Variants in SGSM1 observed in about 807,000 individuals in gnomAD.
SGSM1 encodes small G protein signaling modulator 1, also known as RUN and TBC1 domain containing 2.
A neutral mutation model predicts 133.8 loss-of-function variants in SGSM1; 73 were observed. That is an observed-to-expected ratio of 0.55 (90% CI 0.45 to 0.66). The LOEUF (loss-of-function observed/expected upper bound fraction) is 0.66. SGSM1 is among the 30% of genes least tolerant of loss of function. The pLI is 0.00. For synonymous variants in SGSM1, 563 were observed against 573.0 expected, an observed-to-expected ratio of 0.98 and a Z score of 0.25; for missense variants, 1,213 against 1,448.1, an observed-to-expected ratio of 0.84 and a Z score of 2.64.
In SGSM1 at chr22:24,893,513, G is replaced by A. The variant is rs1325890556; in HGVS notation, c.1853G>A (p.Arg618Gln). 1.1e-5 allele frequency: 18 copies of A among 1,613,096 alleles called. No homozygotes were observed. Among genetic ancestry groups the A allele is most frequent in the Admixed American group, 3.3e-5 (2 of 59,900 alleles). Residue 618 changes from arginine to glutamine, a missense_variant, in exon 17 of 25, where the codon CGG (arginine) becomes CAG (glutamine). Physicochemically the swap from Arg to Gln is conservative, Grantham distance 43. Transcript: ENST00000400358. The part of the protein sequence containing the change: ...GCEAIVRQRE[R>Q]ESHAAALAKC... ...GAGGCGATCGTGCGGCAGAGGGAGCGGGAGTCCCATGCGGCCGCCCTGGCC... is the reference window on the plus strand; with the variant it reads ...GAGGCGATCGTGCGGCAGAGGGAGCAGGAGTCCCATGCGGCCGCCCTGGCC...
At chr22:24,812,597 C>G (rs1258531970) in intron 2 of SGSM1, among the ~76,000 whole-genome samples, 3 of 152,144 alleles carry the variant, frequency 2.0e-5, no homozygotes, top group African/African-American at 7.2e-5. Flanking sequence ...TTGTGCAGGG[C>G]TGTATGTGCC....
chr22:24,822,286 G>T (rs139624), intron 2 of SGSM1, among the ~76,000 whole-genome samples: 8,897 of 151,830 alleles, frequency 0.059, 342 homozygotes, highest in Non-Finnish European at 0.089. Context: ...TAGAGACAGG[G>T]TTTCACTGAG....
intron 2 of SGSM1, among the ~76,000 whole-genome samples, chr22:24,833,837 G>A (rs1437905142): frequency 1.3e-5 from 2 of 152,212 alleles, no homozygotes; most frequent in Non-Finnish European, 2.9e-5. Context: ...CATCTTTGAG[G>A]CCAGAGGAAT....
chr22:24,900,453 GCAATGGCGTGATCTCGACT>G (rs1162230553), intron 19 of SGSM1, among the ~76,000 whole-genome samples: 108 of 149,862 alleles, frequency 7.2e-4, no homozygotes, highest in African/African-American at 2.7e-3. Flanking sequence ...AGGCTGGAGT[GCAATGGCGTGATCTCGACT>G]CACCGCAACC....
chr22:24,833,456 G>A (rs1284380510), intron 2 of SGSM1, among the ~76,000 whole-genome samples: 1 of 151,338 alleles, frequency 6.6e-6, no homozygotes, highest in Non-Finnish European at 1.5e-5. Context: ...TCAAGAGATC[G>A]AGACCATCCT....
intron 19 of SGSM1, among the ~76,000 whole-genome samples, chr22:24,900,648 C>T (rs1375210367): frequency 6.6e-5 from 10 of 152,112 alleles, no homozygotes; most frequent in African/African-American, 1.4e-4. Flanking sequence ...CCGCCCGCCT[C>T]GGCCTCCCAA....
chr22:24,889,959 A>ATT (rs72491088), intron 16 of SGSM1, among the ~76,000 whole-genome samples: 2 of 121,100 alleles, frequency 1.7e-5, no homozygotes, highest in Admixed American at 8.8e-5. Context: ...CCTTAAATGG[A>ATT]TTTTTTTTTT....
intron 6 of SGSM1, 38 bp from the exon 7 acceptor site, chr22:24,855,247 C>T (rs369501635): frequency 6.3e-7 from 1 of 1,589,280 alleles, no homozygotes; most frequent in Admixed American, 1.8e-5. Context: ...GGAGGACTTT[C>T]CGGGGCAGTG....
At chr22:24,901,013 G>A (rs1198665011) in intron 19 of SGSM1, 1 of 152,194 alleles carries the variant, frequency 6.6e-6, no homozygotes, top group Admixed American at 6.5e-5. Context: ...GACCACCCAG[G>A]TAATGGGAGT....
Position 24,893,419 on chromosome 22 carries a change from C to T in SGSM1, c.1771-12C>T. On this transcript the variant is annotated splice_polypyrimidine_tract_variant and intron_variant, in intron 16 of 24. Transcript: ENST00000400358. Reference sequence around the variant, plus strand: ...GTTGACACCTCGGGTGACATTGCATCTGCCCTGGCAGGTGGACGAGCAGAT... The same window carrying T: ...GTTGACACCTCGGGTGACATTGCATTTGCCCTGGCAGGTGGACGAGCAGAT... 1 of 1,612,830 alleles carries T rather than the reference C, an allele frequency of 6.2e-7. No homozygotes were observed. Among genetic ancestry groups the T allele is most frequent in the Non-Finnish European group, 8.5e-7 (1 of 1,179,372 alleles).
chr22:24,809,000 G>A (rs1432529001), intron 2 of SGSM1, among the ~76,000 whole-genome samples: 1 of 152,236 alleles, frequency 6.6e-6, no homozygotes, highest in African/African-American at 2.4e-5. Context: ...CTACTGTACA[G>A]ATGAGAACAC....
chr22:24,824,639 C>T (rs7291042), intron 2 of SGSM1, among the ~76,000 whole-genome samples: 43,714 of 151,818 alleles, frequency 0.29, 6,963 homozygotes, highest in East Asian at 0.61. Flanking sequence ...TTGAGCTCCA[C>T]GGTGGCTATG....
Position 24,868,723 on chromosome 22 carries a change from G to A in SGSM1, c.1159G>A (p.Gly387Ser), listed in dbSNP as rs775788308. The stretch of plus-strand genomic sequence containing the variant: ...CTTGTTTTGGGACATGTTTTTGCAG[G>A]GCAAAGTGTTTCCTAAACTGCGCAA... Reference protein sequence around the residue: ...DPPLWSQRGKGKVFPKLRKRS... With the variant: ...DPPLWSQRGKSKVFPKLRKRS... Residue 387 changes from glycine to serine, a missense_variant and splice_region_variant, in exon 12 of 25, where the codon GGC (glycine) becomes AGC (serine). Physicochemically the swap from Gly to Ser is moderately conservative, Grantham distance 56. Transcript: ENST00000400358. 9 of 1,613,742 alleles carry A rather than the reference G, an allele frequency of 5.6e-6. No individual in the cohort carries two copies. The highest frequency in any genetic ancestry group is 5.9e-6 in the Non-Finnish European group (7 of 1,179,782).
chr22:24,910,576 G>A (rs1001643291), intron 21 of SGSM1, among the ~76,000 whole-genome samples: 10 of 152,158 alleles, frequency 6.6e-5, no homozygotes, highest in African/African-American at 2.4e-4. Flanking sequence ...GAGCCCAGGA[G>A]TTGGAGGTTG....
intron 9 of SGSM1, among the ~76,000 whole-genome samples, chr22:24,865,481 G>T (rs565340322): frequency 6.6e-6 from 1 of 152,294 alleles, no homozygotes; most frequent in African/African-American, 2.4e-5. Flanking sequence ...AAGAGAAAAG[G>T]TCCCCAGCAG....
chr22:24,905,283 G>A (rs1933332851), intron 21 of SGSM1, 96 bp downstream of exon 21: 4 of 1,250,776 alleles, frequency 3.2e-6, no homozygotes, highest in Non-Finnish European at 4.7e-6. Context: ...GTAGAATGTG[G>A]CTCCAGCCAG....
intron 2 of SGSM1, among the ~76,000 whole-genome samples, chr22:24,811,152 C>T (rs1050558611): frequency 4.6e-5 from 7 of 152,088 alleles, no homozygotes; most frequent in Non-Finnish European, 1.0e-4. Context: ...GTTGGGGGTG[C>T]TATCAGCATC....
At chr22:24,844,851 T>G in intron 2 of SGSM1, 46 bp from the exon 3 acceptor site, 1 of 1,596,612 alleles carries the variant, frequency 6.3e-7, no homozygotes, top group South Asian at 1.1e-5. Context: ...CCAGGTCACC[T>G]TGGTCACCTT....
At chr22:24,896,508 A>T (rs1320127731) in intron 18 of SGSM1, among the ~76,000 whole-genome samples, 1 of 152,174 alleles carries the variant, frequency 6.6e-6, no homozygotes, top group African/African-American at 2.4e-5. Context: ...AAATCTCTAA[A>T]ATGTATTCTG....
Sources: allele counts gnomAD v4.1 joint callset (sites outside exome capture counted in the v4.1 genomes callset), GRCh38; gene constraint gnomAD v4.1.1; transcripts MANE v1.5; gene names NCBI Gene and HGNC (gene_info 2026-07-23, HGNC 2026-07-21).